Variants in PTPRT observed in about 807,000 individuals in gnomAD.
PTPRT encodes the protein protein tyrosine phosphatase receptor type T.
A neutral mutation model predicts 176.8 loss-of-function variants in PTPRT; 56 were observed. The ratio of observed to expected loss-of-function variants is 0.32; its 90% CI spans 0.26 to 0.40. PTPRT has a LOEUF of 0.40. Ranked by LOEUF, PTPRT falls within the 10% of genes least tolerant of loss-of-function variation. The pLI is 1.00. For missense variants in PTPRT, 1,540 were observed against 1,908.2 expected, an observed-to-expected ratio of 0.81 and a Z score of 3.60; for synonymous variants, 783 against 739.0, an observed-to-expected ratio of 1.06 and a Z score of -0.96.
intron 9 of PTPRT, among the ~76,000 whole-genome samples, chr20:42,369,750 GGGAAGAGAAAA>G (rs1338541948): frequency 6.6e-6 from 1 of 152,112 alleles, no homozygotes; most frequent in Non-Finnish European, 1.5e-5. Flanking sequence ...AGAGACAATG[GGGAAGAGAAAA>G]GGAAGAGAAG....
chr20:42,507,340 T>A (rs980445785), intron 7 of PTPRT, among the ~76,000 whole-genome samples: 2 of 152,048 alleles, frequency 1.3e-5, no homozygotes, highest in African/African-American at 4.8e-5. Flanking sequence ...TGGTGACCCA[T>A]AACTAGCTCT....
intron 1 of PTPRT, among the ~76,000 whole-genome samples, chr20:42,964,893 CA>C (rs1054662742): frequency 6.6e-6 from 1 of 152,082 alleles, no homozygotes; most frequent in African/African-American, 2.4e-5. Flanking sequence ...AGTTAAAAAT[CA>C]TATATCAATA....
chr20:42,532,506 A>G lies in PTPRT; in HGVS notation c.1154-59944T>C, dbSNP rs867251265. ...AGTCTTGACCTCCTGGGCTCAAGCA[A>G]TCCTCCTGCCTAAGCCTCCCAAGTA... On this transcript the variant is annotated intron_variant, in intron 7 of 30. Coordinates refer to ENST00000373187, the MANE Select transcript of PTPRT (RefSeq NM_007050.6). Among the ~76,000 whole-genome samples, 5 of 152,222 alleles carry G rather than the reference A, an allele frequency of 3.3e-5. No homozygotes were observed. In the South Asian group the frequency reaches 1.0e-3, roughly 32 times the overall value.
At chr20:42,150,545 G>A (rs1989081527) in intron 17 of PTPRT, among the ~76,000 whole-genome samples, 2 of 152,282 alleles carry the variant, frequency 1.3e-5, no homozygotes, top group African/African-American at 4.8e-5. Context: ...TCAGCAAGGA[G>A]GCACCATTTT....
At chr20:42,899,170 T>A (rs149152143) in intron 1 of PTPRT, among the ~76,000 whole-genome samples, 1 of 152,246 alleles carries the variant, frequency 6.6e-6, no homozygotes, top group African/African-American at 2.4e-5. Context: ...CAGAATAGCA[T>A]CTTTCATCTT....
Position 42,497,764 on chromosome 20 carries a change from G to A in PTPRT, c.1154-25202C>T, listed in dbSNP as rs542897764. 7.9e-5 allele frequency among the ~76,000 whole-genome samples: 12 copies of A among 152,126 alleles called. No individual in the cohort carries two copies. The South Asian group carries it at 2.5e-3, about 32-fold the overall frequency. ...GATATGCCTTTCTTATAGAAATCCT[G>A]CAACCACATAAGAGCCGCATTCTCA... On this transcript the variant is annotated intron_variant, in intron 7 of 30. Transcript: ENST00000373187.
In PTPRT at chr20:42,189,967, T is replaced by C. The variant is rs150442824; in HGVS notation, c.2491+9273A>G. Among the ~76,000 whole-genome samples, 536 of 152,328 alleles carry C rather than the reference T, an allele frequency of 3.5e-3. 5 individuals carry two copies. Among genetic ancestry groups the C allele is most frequent in the Non-Finnish European group, 3.9e-3 (268 of 68,020 alleles). ...GTCAACTTTCTCAAGGCTGCCTAAA[T>C]TTCCATTTTGTAACTGCTAAGGAAT... On this transcript the variant is annotated intron_variant, in intron 16 of 30. Transcript: ENST00000373187.
chr20:42,152,138 T>A (rs1454529537), intron 17 of PTPRT, among the ~76,000 whole-genome samples: 1 of 152,246 alleles, frequency 6.6e-6, no homozygotes, highest in African/African-American at 2.4e-5. Flanking sequence ...ATTATGAACA[T>A]TTTCTGGAAG....
At chr20:42,900,147 G>A (rs1203330028) in intron 1 of PTPRT, among the ~76,000 whole-genome samples, 2 of 152,090 alleles carry the variant, frequency 1.3e-5, no homozygotes, top group African/African-American at 4.8e-5. Context: ...CCATCAAAGT[G>A]GGGGTGAGGT....
chr20:42,694,328 A>G (rs2075839063), intron 6 of PTPRT, among the ~76,000 whole-genome samples: 2 of 152,054 alleles, frequency 1.3e-5, no homozygotes, highest in South Asian at 4.1e-4. Flanking sequence ...ATGAGCCACT[A>G]TGCCCGGCCT....
intron 7 of PTPRT, among the ~76,000 whole-genome samples, chr20:42,499,996 T>C (rs1311111972): frequency 6.6e-6 from 1 of 152,182 alleles, no homozygotes; most frequent in African/African-American, 2.4e-5. Context: ...TTGATGAATA[T>C]TTATTTTAAT....
At chr20:43,173,547 G>A (rs1321668227) in intron 1 of PTPRT, among the ~76,000 whole-genome samples, 2 of 152,210 alleles carry the variant, frequency 1.3e-5, no homozygotes, top group African/African-American at 4.8e-5. Flanking sequence ...GTTGTCCTGT[G>A]GAGAAAGTAA....
In PTPRT at chr20:42,882,385, C is replaced by T. The variant is rs1470944261; in HGVS notation, c.214+3422G>A. Among the ~76,000 whole-genome samples the T allele has an allele frequency of 3.3e-5, 5 of 152,130 alleles. No individual in the cohort carries two copies. In the South Asian group the frequency reaches 1.0e-3, roughly 32 times the overall value. On this transcript the variant is annotated intron_variant, in intron 2 of 30. Coordinates refer to ENST00000373187, the MANE Select transcript of PTPRT (RefSeq NM_007050.6). ...ATGATCCAATATTTATGAAATGACACCCTGCCATAATGAGGGGCTGAGAAA... is the reference window on the plus strand; with the variant it reads ...ATGATCCAATATTTATGAAATGACATCCTGCCATAATGAGGGGCTGAGAAA...
intron 7 of PTPRT, among the ~76,000 whole-genome samples, chr20:42,489,008 TTGTGTGTGTGTGTGTGTG>T (rs56267962): frequency 0.05 from 6,508 of 131,222 alleles, 476 homozygotes; most frequent in African/African-American, 0.15. Context: ...TCAACCAAGT[TTGTGTGTGTGTGTGTGTG>T]TGTGTGTGTG....
intron 13 of PTPRT, among the ~76,000 whole-genome samples, chr20:42,259,331 T>C (rs2056705375): frequency 6.6e-6 from 1 of 152,192 alleles, no homozygotes; most frequent in African/African-American, 2.4e-5. Context: ...CTTTTTTTTA[T>C]CCATGGAAAT....
chr20:42,152,729 T>A (rs905640926), intron 17 of PTPRT, among the ~76,000 whole-genome samples: 1 of 152,202 alleles, frequency 6.6e-6, no homozygotes, highest in Non-Finnish European at 1.5e-5. Context: ...TGGTCATGCA[T>A]GAGCTTCCGG....
chr20:42,693,992 A>G (rs2075830354), intron 6 of PTPRT, among the ~76,000 whole-genome samples: 1 of 151,054 alleles, frequency 6.6e-6, no homozygotes, highest in South Asian at 2.1e-4. Context: ...GTCACCTGCC[A>G]TCATACCCTG....
chr20:42,931,004 C>T (rs906088791), intron 1 of PTPRT, among the ~76,000 whole-genome samples: 1 of 152,300 alleles, frequency 6.6e-6, no homozygotes, highest in South Asian at 2.1e-4. Flanking sequence ...CAACCTTCCT[C>T]CCTCAACCCC....
At chr20:42,919,298 T>C (rs1978995247) in intron 1 of PTPRT, among the ~76,000 whole-genome samples, 1 of 152,336 alleles carries the variant, frequency 6.6e-6, no homozygotes, top group East Asian at 1.9e-4. Context: ...TCTTTGTACT[T>C]CCTCTTCTTG....
Sources: gnomAD v4.1 joint callset for allele counts (sites outside exome capture counted in the v4.1 genomes callset) on GRCh38, gnomAD v4.1.1 for gene constraint, MANE v1.5 for transcripts, NCBI Gene and HGNC (gene_info 2026-07-23, HGNC 2026-07-21) for gene names.